The following BARD1 variants were observed in gnomAD, a reference collection of about 807,000 sequenced individuals.
The protein encoded by BARD1 is BRCA1-associated RING domain protein 1.
Under a neutral mutation model 77.0 loss-of-function variants are expected in BARD1, and 73 were observed. The observed-to-expected ratio is 0.95, with a 90% CI of 0.79 to 1.15. The LOEUF is 1.15. Ranked by LOEUF, BARD1 falls within the 50% of genes most tolerant of loss-of-function variation. BARD1 has a pLI of 0.00. For synonymous variants in BARD1, 384 were observed against 338.0 expected (o/e 1.14, Z -1.49); for missense variants, 993 against 938.8 (o/e 1.06, Z -0.75).
At chr2:214,753,598 G>A (rs550567436) in intron 6 of BARD1, among the ~76,000 whole-genome samples, 3 of 152,204 alleles carry the variant, frequency 2.0e-5, no homozygotes, top group Admixed American at 6.5e-5. Context: ...GAAACAGAGA[G>A]AAACATTAGG....
intron 6 of BARD1, 130 bp from the exon 7 acceptor site, chr2:214,752,685 T>C: frequency 1.4e-6 from 1 of 734,300 alleles, no homozygotes. Context: ...CAGAAGAATC[T>C]AGAATCAAAA....
chr2:214,771,924 G>GAA (rs10602414), intron 4 of BARD1, among the ~76,000 whole-genome samples: 4,868 of 107,052 alleles, frequency 0.045, 298 homozygotes, highest in East Asian at 0.15. Flanking sequence ...CCAGTTTCAG[G>GAA]AAAAAAAAAA....
intron 4 of BARD1, among the ~76,000 whole-genome samples, chr2:214,773,885 A>G (rs1404136811): frequency 6.6e-6 from 1 of 151,706 alleles, no homozygotes; most frequent in Non-Finnish European, 1.5e-5. Context: ...ATCTGCGTAG[A>G]ACTTCTCCCA....
At position 214,781,425 on chromosome 2, in the gene BARD1, C is replaced by T. The variant is rs730881412; in HGVS notation, c.449G>A (p.Arg150Gln). Residue 150 changes from arginine (R) to glutamine (Q), a missense_variant, in exon 4 of 11, where the codon CGA (arginine) becomes CAA (glutamine). Physicochemically the swap from Arg to Gln is conservative, Grantham distance 43. Transcript: ENST00000260947. ...CACAACATATCTGACTTTCTTACTT[C>T]GAGGGCTAAACCACATTTTAATTGA... The part of the protein sequence containing the change: ...KNSIKMWFSP[R>Q]SKKVRYVVSK... 1.1e-5 allele frequency: 18 copies of T among 1,613,346 alleles called. No individual in the cohort carries two copies. Among genetic ancestry groups the T allele is most frequent in the South Asian group, 8.8e-5 (8 of 91,024 alleles).
chr2:214,728,626 C>A lies in BARD1; in HGVS notation c.*50G>T. 1 of 1,563,756 alleles carries A rather than the reference C, an allele frequency of 6.4e-7. No homozygotes were observed. Among genetic ancestry groups the A allele is most frequent in the African/African-American group, 1.4e-5 (1 of 73,486 alleles). On this transcript the variant is annotated 3_prime_UTR_variant, in exon 11 of 11. Transcript: ENST00000260947. ...CATTAAAAACAGTACAATGACTGGG[C>A]TCTCACAAACCGTGCAAATTCAATT...
Position 214,747,402 on chromosome 2 carries a change from C to T in BARD1, c.1678-1548G>A, listed in dbSNP as rs984663048. On this transcript the variant is annotated intron_variant, in intron 7 of 10. Transcript: ENST00000260947. ...AATCGTGCTGCTATAAAGACACATG[C>T]ACACGTATGTTTACTGCGGCACTAT... is the stretch of plus-strand genomic sequence containing the variant. Among the ~76,000 whole-genome samples the T allele has an allele frequency of 5.0e-5, 7 of 138,798 alleles. No individual in the cohort carries two copies. The Admixed American group carries it at 5.3e-4, about 10-fold the overall frequency. The allele number at this position is 138,798 out of a possible 152,430, so 91.1% of individuals were successfully genotyped here.
At chr2:214,731,307 T>C (rs910036536) in intron 9 of BARD1, among the ~76,000 whole-genome samples, 1 of 152,154 alleles carries the variant, frequency 6.6e-6, no homozygotes, top group Non-Finnish European at 1.5e-5. Context: ...CCAGTACCAA[T>C]TGTCTCGCTA....
intron 1 of BARD1, among the ~76,000 whole-genome samples, chr2:214,799,138 T>TA (rs1288008458): frequency 7.3e-5 from 11 of 151,670 alleles, no homozygotes; most frequent in Non-Finnish European, 1.6e-4. Context: ...AATAAAATTT[T>TA]AAAAATATAA....
rs377244276 is a variant in BARD1, at chr2:214,808,314, CAGG to C, written c.158+1095_158+1097del. On this transcript the variant is annotated intron_variant, in intron 1 of 10. Coordinates refer to ENST00000260947, the MANE Select transcript of BARD1 (RefSeq NM_000465.4). The stretch of plus-strand genomic sequence containing the variant: ...GTCCCAGCTACTTGGGAGGCTGAAG[CAGG>C]AGAATGGCGTGAACCCGGGAGGCGG... Among the ~76,000 whole-genome samples the C allele has an allele frequency of 1.8e-3, 279 of 152,304 alleles. 2 individuals are homozygous for C. The highest frequency in any genetic ancestry group is 6.2e-3 in the African/African-American group (259 of 41,560).
rs1692163289 is a variant in BARD1 at position 214,728,177 on chromosome 2, G to C, written c.*499C>G. The C allele has an allele frequency of 8.9e-6, 2 of 224,884 alleles. No homozygotes were observed. The highest frequency in any genetic ancestry group is 5.8e-5 in the Admixed American group (1 of 17,216). The allele number at this position is 224,884 out of a possible 1,614,324, so 13.9% of individuals were successfully genotyped here. On this transcript the variant is annotated 3_prime_UTR_variant, in exon 11 of 11. Coordinates refer to ENST00000260947, the MANE Select transcript of BARD1 (RefSeq NM_000465.4). The stretch of plus-strand genomic sequence containing the variant: ...AGAAATGAACACAATATAGGATAAA[G>C]ACAATTGCAGATAGGAGAATTTAAC...
At position 214,727,312 on chromosome 2, in the gene BARD1, C is replaced by G. The variant is rs766370435; in HGVS notation, c.*1364G>C. 1 of 231,472 alleles carries G rather than the reference C, an allele frequency of 4.3e-6. No homozygotes were observed. Among genetic ancestry groups the G allele is most frequent in the African/African-American group, 2.2e-5 (1 of 45,258 alleles). 14.3% of individuals were successfully genotyped at this position (231,472 alleles called of 1,614,324 possible). On this transcript the variant is annotated 3_prime_UTR_variant, in exon 11 of 11. Coordinates refer to ENST00000260947, the MANE Select transcript of BARD1 (RefSeq NM_000465.4). ...TGCATCTTAAGATGTTGATGAACTT[C>G]AGAGATTCTCACTATTTTAAAACTA...
intron 9 of BARD1, among the ~76,000 whole-genome samples, chr2:214,731,416 A>T (rs1692350862): frequency 6.6e-6 from 1 of 152,230 alleles, no homozygotes; most frequent in Non-Finnish European, 1.5e-5. Context: ...ATGCCTGTTT[A>T]CCACCAAGCG....
Position 214,725,853 on chromosome 2 carries a change from T to A in BARD1, c.*2823A>T, listed in dbSNP as rs180852909. 1 of 222,958 alleles carries A rather than the reference T, an allele frequency of 4.5e-6. No individual in the cohort carries two copies. Among genetic ancestry groups the A allele is most frequent in the Non-Finnish European group, 9.0e-6 (1 of 111,562 alleles). The allele number at this position is 222,958 out of a possible 1,614,324, so 13.8% of individuals were successfully genotyped here. A position where few individuals can be genotyped will look rare whatever the true frequency, so the allele number is the denominator to read the frequency against. Reference sequence around the variant, plus strand: ...ACAGAATAGACAATTGTGACTGTAATGAGGCCCATGAACGTTTAGAATATG... The same window carrying A: ...ACAGAATAGACAATTGTGACTGTAAAGAGGCCCATGAACGTTTAGAATATG... On this transcript the variant is annotated 3_prime_UTR_variant, in exon 11 of 11. Transcript: ENST00000260947.
chr2:214,729,463 G>A (rs1692253936), intron 10 of BARD1, among the ~76,000 whole-genome samples: 1 of 152,130 alleles, frequency 6.6e-6, no homozygotes, highest in African/African-American at 2.4e-5. Context: ...CAGCTAAGAA[G>A]CTACTTAATG....
In BARD1 at chr2:214,809,575, C is replaced by G. The variant is rs767753791; in HGVS notation, c.-6G>C. ...GGCTGCCGATTATCCGGCATCGTCC[C>G]GCCTTCGGATGAAAGGCTCCTCGCA... On this transcript the variant is annotated 5_prime_UTR_variant, in exon 1 of 11. Transcript: ENST00000260947. 2 of 1,542,596 alleles carry G rather than the reference C, an allele frequency of 1.3e-6. No homozygotes were observed. Among genetic ancestry groups the G allele is most frequent in the African/African-American group, 2.7e-5 (2 of 73,188 alleles).
intron 7 of BARD1, among the ~76,000 whole-genome samples, chr2:214,747,880 A>G (rs2106026369): frequency 6.6e-6 from 1 of 151,330 alleles, no homozygotes; most frequent in Non-Finnish European, 1.5e-5. Flanking sequence ...AATAAAATAA[A>G]ATAAAAAATA....
intron 3 of BARD1, among the ~76,000 whole-genome samples, chr2:214,784,099 C>G (rs1297748131): frequency 6.6e-6 from 1 of 152,060 alleles, no homozygotes; most frequent in Non-Finnish European, 1.5e-5. Flanking sequence ...AAGAGGCAAC[C>G]TACAGAATGG....
At chr2:214,776,455 C>T (rs557320957) in intron 4 of BARD1, among the ~76,000 whole-genome samples, 1 of 152,122 alleles carries the variant, frequency 6.6e-6, no homozygotes. Flanking sequence ...ACACAGTGTT[C>T]TCAATAGCAG....
chr2:214,788,884 T>G (rs1343980754), intron 3 of BARD1, among the ~76,000 whole-genome samples: 1 of 152,114 alleles, frequency 6.6e-6, no homozygotes, highest in Admixed American at 6.6e-5. Context: ...ACAAAGGTAC[T>G]GCGTAAAATA....
Sources: gnomAD v4.1 joint callset for allele counts (sites outside exome capture counted in the v4.1 genomes callset) on GRCh38, gnomAD v4.1.1 for gene constraint, MANE v1.5 for transcripts, NCBI Gene and HGNC (gene_info 2026-07-23, HGNC 2026-07-21) for gene names.